The following STIM2 variants were observed in gnomAD, a reference collection of about 807,000 sequenced individuals.
STIM2 encodes the protein stromal interaction molecule 2.
In STIM2, 31 loss-of-function variants were observed where a neutral mutation model predicts 85.8. The observed-to-expected ratio is 0.36, with a 90% confidence interval of 0.27 to 0.49. The LOEUF is 0.49. Ranked by LOEUF, STIM2 falls within the 20% of genes least tolerant of loss-of-function variation. The probability of loss-of-function intolerance (pLI) is 0.98; values close to 1 mark genes in which losing one functional copy is unlikely to be tolerated. For missense variants in STIM2, 841 were observed against 927.6 expected (o/e 0.91, Z 1.21); for synonymous variants, 356 against 331.1 (o/e 1.08, Z -0.82).
chr4:26,973,687 TGTG>T (rs1727067611), intron 3 of STIM2, among the ~76,000 whole-genome samples: 1 of 152,184 alleles, frequency 6.6e-6, no homozygotes, highest in African/African-American at 2.4e-5. Context: ...ATAAGTGCGA[TGTG>T]GTGCTGAGAA....
intron 3 of STIM2, among the ~76,000 whole-genome samples, chr4:26,988,274 T>C (rs2109119443): frequency 6.6e-6 from 1 of 152,268 alleles, no homozygotes; most frequent in South Asian, 2.1e-4. Context: ...CTATGGCAGA[T>C]ATAAGTATAG....
chr4:26,878,673 A>G (rs1444328216), intron 1 of STIM2, among the ~76,000 whole-genome samples: 1 of 152,068 alleles, frequency 6.6e-6, no homozygotes, highest in Non-Finnish European at 1.5e-5. Context: ...TCATTTTCAC[A>G]CTGCTATAAA....
intron 1 of STIM2, among the ~76,000 whole-genome samples, chr4:26,892,662 C>T (rs1356375439): frequency 6.6e-6 from 1 of 152,032 alleles, no homozygotes; most frequent in Non-Finnish European, 1.5e-5. Context: ...GTCCAATTAG[C>T]ATAAGGTCAT....
chr4:26,878,613 G>GAA (rs1001929381), intron 1 of STIM2, among the ~76,000 whole-genome samples: 1 of 152,054 alleles, frequency 6.6e-6, no homozygotes, highest in African/African-American at 2.4e-5. Context: ...CAGGTTTTGT[G>GAA]TTCTGTTCTC....
chr4:26,947,436 G>A (rs555541819), intron 2 of STIM2, among the ~76,000 whole-genome samples: 5 of 152,222 alleles, frequency 3.3e-5, no homozygotes, highest in Middle Eastern at 3.4e-3. Context: ...TTGTGAAAAT[G>A]TCTTGATTCA....
rs756638003 is a variant in STIM2, at chr4:27,017,969, C to T, written c.1748C>T (p.Ser583Phe). Reference sequence around the variant, plus strand: ...GAGGAGGAAGAGGCCATTTACTTCTCTGCTGAAAAGCAATGGTATTGGCAG... The same window carrying T: ...GAGGAGGAAGAGGCCATTTACTTCTTTGCTGAAAAGCAATGGTATTGGCAG... The change falls in exon 11 of 12, where the codon TCT (serine) becomes TTT (phenylalanine). Residue 583 changes from serine (S) to phenylalanine (F), a missense_variant. Coordinates refer to ENST00000467087, the MANE Select transcript of STIM2 (RefSeq NM_020860.4). 1.2e-6 allele frequency: 2 copies of T among 1,614,010 alleles called. No individual in the cohort carries two copies. The highest frequency in any genetic ancestry group is 1.7e-6 in the Non-Finnish European group (2 of 1,180,038).
chr4:26,892,006 G>A (rs1335896224), intron 1 of STIM2, among the ~76,000 whole-genome samples: 2 of 152,148 alleles, frequency 1.3e-5, no homozygotes, highest in African/African-American at 4.8e-5. Context: ...AATGGGTCTT[G>A]TGAGATCTGA....
At chr4:26,957,410 G>C (rs1213052682) in intron 2 of STIM2, among the ~76,000 whole-genome samples, 1 of 152,086 alleles carries the variant, frequency 6.6e-6, no homozygotes, top group African/African-American at 2.4e-5. Flanking sequence ...TGCTGGTGGT[G>C]GTGGCGTTAC....
intron 1 of STIM2, among the ~76,000 whole-genome samples, chr4:26,913,152 C>T (rs1724403857): frequency 6.6e-6 from 1 of 152,100 alleles, no homozygotes; most frequent in Admixed American, 6.6e-5. Context: ...TTACCAAAAT[C>T]CAGTTTCACT....
intron 1 of STIM2, among the ~76,000 whole-genome samples, chr4:26,892,638 T>A (rs1723538375): frequency 6.6e-6 from 1 of 152,184 alleles, no homozygotes; most frequent in African/African-American, 2.4e-5. Context: ...TAATTGCAGT[T>A]TCTTGCTCAC....
chr4:27,010,048 C>G (rs1303691331), intron 10 of STIM2, among the ~76,000 whole-genome samples: 1 of 152,072 alleles, frequency 6.6e-6, no homozygotes, highest in Non-Finnish European at 1.5e-5. Context: ...AACAATTGTA[C>G]TAAATGTGAA....
chr4:26,869,803 C>T (rs191110521), intron 1 of STIM2, among the ~76,000 whole-genome samples: 32 of 150,814 alleles, frequency 2.1e-4, no homozygotes, highest in African/African-American at 7.6e-4. Flanking sequence ...GGTAGCTTAT[C>T]TAGTATCCTT....
At chr4:26,897,485 T>C (rs1233632553) in intron 1 of STIM2, among the ~76,000 whole-genome samples, 1 of 152,208 alleles carries the variant, frequency 6.6e-6, no homozygotes, top group African/African-American at 2.4e-5. Flanking sequence ...CTGTGGACAT[T>C]TTCAGGTAAA....
At chr4:26,962,608 GTC>G (rs879922948) in intron 3 of STIM2, among the ~76,000 whole-genome samples, 5,339 of 85,194 alleles carry the variant, frequency 0.063, 83 homozygotes, top group Non-Finnish European at 0.075. Context: ...GTGTATGTGT[GTC>G]TGTGTCTGTG....
At chr4:26,972,553 C>T (rs542760294) in intron 3 of STIM2, among the ~76,000 whole-genome samples, 20 of 152,206 alleles carry the variant, frequency 1.3e-4, no homozygotes, top group South Asian at 2.1e-4. Context: ...CATTGATTTG[C>T]GTATGTTGAA....
chr4:27,005,581 T>C (rs1728306495), intron 7 of STIM2, among the ~76,000 whole-genome samples: 2 of 152,236 alleles, frequency 1.3e-5, no homozygotes, highest in African/African-American at 4.8e-5. Context: ...TATTACTCAA[T>C]TTTTTCTGTG....
chr4:26,889,257 C>T (rs1308184070), intron 1 of STIM2, among the ~76,000 whole-genome samples: 2 of 152,168 alleles, frequency 1.3e-5, no homozygotes, highest in Non-Finnish European at 2.9e-5. Context: ...AAGTTTTTGT[C>T]ACCTTGCTGA....
At chr4:26,948,589 T>G (rs1421362149) in intron 2 of STIM2, among the ~76,000 whole-genome samples, 1 of 152,128 alleles carries the variant, frequency 6.6e-6, no homozygotes, top group Non-Finnish European at 1.5e-5. Context: ...TAGTGAGACA[T>G]TGTCTCTATA....
chr4:27,025,157 CT>C lies in STIM2; in HGVS notation c.*2164del, dbSNP rs1302384187. 6.6e-6 allele frequency: 1 copy of C among 152,160 alleles called. No individual in the cohort carries two copies. Among genetic ancestry groups the C allele is most frequent in the Non-Finnish European group, 1.5e-5 (1 of 67,978 alleles). The allele number at this position is 152,160 out of a possible 1,614,324, so 9.4% of individuals were successfully genotyped here. A position where few individuals can be genotyped will look rare whatever the true frequency, so the allele number is the denominator to read the frequency against. On this transcript the variant is annotated 3_prime_UTR_variant, in exon 12 of 12. Transcript: ENST00000467087. ...AAATTCAACCAAGGGATATTTACTGCTTTATGTTGCTTATGATAATTATTTT... is the reference window on the plus strand; with the variant it reads ...AAATTCAACCAAGGGATATTTACTGCTTATGTTGCTTATGATAATTATTTT...
Sources: gnomAD v4.1 joint callset for allele counts (sites outside exome capture counted in the v4.1 genomes callset) on GRCh38, gnomAD v4.1.1 for gene constraint, MANE v1.5 for transcripts, NCBI Gene and HGNC (gene_info 2026-07-23, HGNC 2026-07-21) for gene names.